Variants in PPP4R2 observed in about 807,000 individuals in gnomAD.
The protein encoded by PPP4R2 is protein phosphatase 4 regulatory subunit 2.
Under a neutral mutation model 47.2 loss-of-function variants are expected in PPP4R2, and 13 were observed. The observed-to-expected ratio is 0.28, with a 90% CI of 0.18 to 0.44. The LOEUF (loss-of-function observed/expected upper bound fraction) is 0.44. PPP4R2 is among the 20% of genes least tolerant of loss of function. The pLI is 1.00. For missense variants in PPP4R2, 421 were observed against 491.2 expected (o/e 0.86, Z 1.35); for synonymous variants, 151 against 163.3 (o/e 0.92, Z 0.57).
At chr3:73,039,062 C>T (rs1186349437) in intron 2 of PPP4R2, among the ~76,000 whole-genome samples, 1 of 152,154 alleles carries the variant, frequency 6.6e-6, no homozygotes, top group African/African-American at 2.4e-5. Flanking sequence ...TGTAACACTT[C>T]AAGGATAATT....
intron 2 of PPP4R2, among the ~76,000 whole-genome samples, chr3:73,023,292 C>G (rs1410798884): frequency 9.4e-6 from 1 of 106,892 alleles, no homozygotes; most frequent in Non-Finnish European, 2.0e-5. Context: ...TGGGTTCAAG[C>G]AATTCTGCCT....
intron 2 of PPP4R2, among the ~76,000 whole-genome samples, chr3:73,029,188 A>G (rs1702124221): frequency 6.6e-6 from 1 of 151,830 alleles, no homozygotes; most frequent in African/African-American, 2.4e-5. Context: ...CAATCCTCCC[A>G]CCTTGTCCTC....
At chr3:73,029,102 T>C (rs1260551072) in intron 2 of PPP4R2, among the ~76,000 whole-genome samples, 1 of 152,230 alleles carries the variant, frequency 6.6e-6, no homozygotes, top group African/African-American at 2.4e-5. Flanking sequence ...TGCACCGCCA[T>C]GCCTGGCAAA....
At chr3:73,047,849 C>G (rs561596192) in intron 3 of PPP4R2, among the ~76,000 whole-genome samples, 1 of 152,176 alleles carries the variant, frequency 6.6e-6, no homozygotes, top group African/African-American at 2.4e-5. Flanking sequence ...ATATTCTGTA[C>G]AAAAGTAAAA....
intron 7 of PPP4R2, 22 bp from the exon 8 acceptor site, chr3:73,064,830 C>T: frequency 1.3e-6 from 2 of 1,552,040 alleles, no homozygotes; most frequent in African/African-American, 1.4e-5. Context: ...TTATTAATGA[C>T]ACTTTAAAAA....
chr3:73,030,581 T>G lies in PPP4R2; in HGVS notation c.117-16605T>G, dbSNP rs535595163. ...TTCTTTGTCTTTGCTTTCTTCCCTATGTAGGCACAGATTTGGTGGGGATTA... is the reference window on the plus strand; with the variant it reads ...TTCTTTGTCTTTGCTTTCTTCCCTAGGTAGGCACAGATTTGGTGGGGATTA... On this transcript the variant is annotated intron_variant, in intron 2 of 8. Coordinates refer to ENST00000356692, the MANE Select transcript of PPP4R2 (RefSeq NM_174907.4). 1.0e-3 allele frequency among the ~76,000 whole-genome samples: 156 copies of G among 151,866 alleles called. 2 individuals carry two copies. The highest frequency in any genetic ancestry group is 9.4e-4 in the Non-Finnish European group (64 of 67,988).
At chr3:73,004,795 CT>C (rs1361783664) in intron 2 of PPP4R2, among the ~76,000 whole-genome samples, 1 of 152,092 alleles carries the variant, frequency 6.6e-6, no homozygotes, top group Non-Finnish European at 1.5e-5. Context: ...ACTGCCCAAT[CT>C]TTTTGCCTAC....
intron 2 of PPP4R2, among the ~76,000 whole-genome samples, chr3:73,045,707 A>G: frequency 6.6e-6 from 1 of 151,940 alleles, no homozygotes; most frequent in Non-Finnish European, 1.5e-5. Context: ...TTGTATTTTT[A>G]GTAAAGACAG....
At chr3:73,050,438 C>T (rs1702587191) in intron 3 of PPP4R2, among the ~76,000 whole-genome samples, 1 of 151,836 alleles carries the variant, frequency 6.6e-6, no homozygotes, top group South Asian at 2.1e-4. Flanking sequence ...ACAAAATGTT[C>T]AATTTTTGTG....
At chr3:73,019,110 G>C (rs976300422) in intron 2 of PPP4R2, among the ~76,000 whole-genome samples, 3 of 152,126 alleles carry the variant, frequency 2.0e-5, no homozygotes, top group Non-Finnish European at 2.9e-5. Context: ...TATTTTTACT[G>C]TACTTTTTCT....
In PPP4R2 at chr3:73,065,372, T is replaced by C; in HGVS notation, c.929-25T>C. On this transcript the variant is annotated intron_variant, in intron 8 of 8. Coordinates refer to ENST00000356692, the MANE Select transcript of PPP4R2 (RefSeq NM_174907.4). ...AGGTATTTTGAAAATACAATTTAAC[T>C]ACAACAACATTTGCTTATTTTTAGA... 7.1e-6 allele frequency: 11 copies of C among 1,551,084 alleles called. No homozygotes were observed. In the South Asian group the frequency reaches 1.4e-4, roughly 19 times the overall value.
At chr3:73,029,574 A>AAG (rs35961101) in intron 2 of PPP4R2, among the ~76,000 whole-genome samples, 59,869 of 151,916 alleles carry the variant, frequency 0.39, 12,245 homozygotes, top group African/African-American at 0.47. Context: ...TGAGAGGTGA[A>AAG]AGGCTGTAGG....
At chr3:73,046,261 C>G (rs185242807) in intron 2 of PPP4R2, among the ~76,000 whole-genome samples, 162 of 152,304 alleles carry the variant, frequency 1.1e-3, no homozygotes, top group Non-Finnish European at 1.8e-3. Context: ...TCTTGGACCA[C>G]AATTTGAAAA....
rs150118707 is a variant in PPP4R2 at position 73,025,975 on chromosome 3, T to C, written c.117-21211T>C. On this transcript the variant is annotated intron_variant, in intron 2 of 8. Coordinates refer to ENST00000356692, the MANE Select transcript of PPP4R2 (RefSeq NM_174907.4). ...GTTATGGATCTGTAGATAATATCTG[T>C]TCATCATTCTCACCTTGCCTGGGTT... Among the ~76,000 whole-genome samples, 276 of 152,308 alleles carry C rather than the reference T, an allele frequency of 1.8e-3. 2 individuals are homozygous for C. Among genetic ancestry groups the C allele is most frequent in the Middle Eastern group, 6.8e-3 (2 of 294 alleles).
At chr3:73,053,226 T>C (rs1453828092) in intron 3 of PPP4R2, among the ~76,000 whole-genome samples, 1 of 152,196 alleles carries the variant, frequency 6.6e-6, no homozygotes, top group African/African-American at 2.4e-5. Context: ...TTTCTGTCTC[T>C]CTCACATACA....
chr3:73,018,872 A>G lies in PPP4R2; in HGVS notation c.116+20714A>G, dbSNP rs545429053. 3.9e-5 allele frequency among the ~76,000 whole-genome samples: 6 copies of G among 152,276 alleles called. No homozygotes were observed. In the South Asian group the frequency reaches 8.3e-4, roughly 21 times the overall value. ...TCTCCTTTTCTCAATAAAAACTGCCATATTTCTGACATGTATCAATTGCAT... is the reference window on the plus strand; with the variant it reads ...TCTCCTTTTCTCAATAAAAACTGCCGTATTTCTGACATGTATCAATTGCAT... On this transcript the variant is annotated intron_variant, in intron 2 of 8. Coordinates refer to ENST00000356692, the MANE Select transcript of PPP4R2 (RefSeq NM_174907.4).
intron 2 of PPP4R2, among the ~76,000 whole-genome samples, chr3:73,044,979 G>A (rs986742319): frequency 1.3e-5 from 2 of 151,994 alleles, no homozygotes; most frequent in Admixed American, 6.6e-5. Flanking sequence ...CAATTTTGTT[G>A]CTTGTGCTTT....
At chr3:73,016,846 T>G (rs188287975) in intron 2 of PPP4R2, among the ~76,000 whole-genome samples, 5 of 134,830 alleles carry the variant, frequency 3.7e-5, no homozygotes, top group African/African-American at 1.4e-4. Context: ...AAATACAGAG[T>G]CTCACTCTGT....
intron 2 of PPP4R2, among the ~76,000 whole-genome samples, chr3:73,031,621 C>G (rs1575861593): frequency 6.6e-6 from 1 of 151,902 alleles, no homozygotes; most frequent in African/African-American, 2.4e-5. Context: ...GGAAAAGCAA[C>G]GTTGGGTGGA....
Sources: gnomAD v4.1 joint callset for allele counts (sites outside exome capture counted in the v4.1 genomes callset) on GRCh38, gnomAD v4.1.1 for gene constraint, MANE v1.5 for transcripts, NCBI Gene and HGNC (gene_info 2026-07-23, HGNC 2026-07-21) for gene names.